WNT7B: variants seen among roughly 807,000 people sequenced by gnomAD.
The protein encoded by WNT7B is protein Wnt-7b.
In WNT7B, 19 loss-of-function variants were observed where a neutral mutation model predicts 38.2. The ratio of observed to expected loss-of-function variants is 0.50; its 90% CI spans 0.35 to 0.73. The LOEUF is 0.73. Among genes scored for constraint, WNT7B ranks in the 30% least tolerant of loss-of-function variants. The pLI is 0.01. For synonymous variants in WNT7B, 243 were observed against 209.3 expected, an observed-to-expected ratio of 1.16 and a Z score of -1.39; for missense variants, 423 against 507.9, an observed-to-expected ratio of 0.83 and a Z score of 1.61.
chr22:45,948,275 G>A (rs1346564707), intron 2 of WNT7B, among the ~76,000 whole-genome samples: 1 of 152,212 alleles, frequency 6.6e-6, no homozygotes, highest in African/African-American at 2.4e-5. Flanking sequence ...TCCCCACTGG[G>A]GTGGATGGGC....
intron 2 of WNT7B, among the ~76,000 whole-genome samples, chr22:45,946,236 C>T (rs976147865): frequency 6.6e-6 from 1 of 152,212 alleles, no homozygotes; most frequent in African/African-American, 2.4e-5. Flanking sequence ...GTCATTCCTG[C>T]AAAAGTGCTC....
intron 1 of WNT7B, among the ~76,000 whole-genome samples, chr22:45,950,359 G>A (rs117216379): frequency 4.6e-5 from 7 of 152,306 alleles, no homozygotes; most frequent in South Asian, 2.1e-4. Flanking sequence ...CAACTCACAC[G>A]CGTGACCCCA....
intron 1 of WNT7B, among the ~76,000 whole-genome samples, chr22:45,971,704 C>A (rs570283989): frequency 7.2e-5 from 11 of 152,256 alleles, no homozygotes; most frequent in Admixed American, 3.9e-4. Flanking sequence ...ACGTGCATGC[C>A]GGTGTTTGCA....
intron 3 of WNT7B, 38 bp downstream of exon 3, chr22:45,931,059 TC>T: frequency 6.5e-7 from 1 of 1,527,520 alleles, no homozygotes; most frequent in Non-Finnish European, 8.8e-7. Flanking sequence ...GATACAGCGG[TC>T]CCAGCTACGG....
intron 1 of WNT7B, among the ~76,000 whole-genome samples, chr22:45,953,738 A>G (rs191702125): frequency 1.2e-3 from 189 of 151,636 alleles, no homozygotes; most frequent in Middle Eastern, 3.4e-3. Flanking sequence ...AAAAAAAAAA[A>G]AAGAAGAAGA....
At chr22:45,924,821 C>T (rs550496835) in intron 3 of WNT7B, among the ~76,000 whole-genome samples, 5 of 138,600 alleles carry the variant, frequency 3.6e-5, no homozygotes, top group African/African-American at 1.4e-4. Flanking sequence ...GGCCCAAAGG[C>T]TCATCAGGCG....
Position 45,976,330 on chromosome 22 carries a change from C to A in WNT7B, c.71+354G>T, listed in dbSNP as rs574986875. Among the ~76,000 whole-genome samples, 1 of 150,194 alleles carries A rather than the reference C, an allele frequency of 6.7e-6. No homozygotes were observed. Among genetic ancestry groups the A allele is most frequent in the South Asian group, 2.1e-4 (1 of 4,826 alleles). On this transcript the variant is annotated intron_variant, in intron 1 of 3. Transcript: ENST00000339464. This position sits in a 1 kb window ranked among gnomAD's most constrained non-coding sequence, Gnocchi z 8.5. ...AGGCGGCGAGCGCTCGGCCCGGGCT[C>A]GGCGCCCAGCGCAGCCCGGGGGAGG...
At chr22:45,925,162 G>C (rs1200676551) in intron 3 of WNT7B, 2 of 972,936 alleles carry the variant, frequency 2.1e-6, no homozygotes, top group Non-Finnish European at 2.4e-6. Flanking sequence ...GGGCCCAAAG[G>C]CTCATCAGGT....
Position 45,931,942 on chromosome 22 carries a change from A to C in WNT7B, c.299-573T>G, listed in dbSNP as rs142183004. On this transcript the variant is annotated intron_variant, in intron 2 of 3. Coordinates refer to ENST00000339464, the MANE Select transcript of WNT7B (RefSeq NM_058238.3). ...CCCAGGCAGAAGTCACACAGCTCAG[A>C]AGCTCTTTGTTGCCATCTCCCTCTT... Among the ~76,000 whole-genome samples, 301 of 152,224 alleles carry C rather than the reference A, an allele frequency of 2.0e-3. 3 individuals are homozygous for C. The highest frequency in any genetic ancestry group is 6.9e-3 in the African/African-American group (287 of 41,544).
chr22:45,936,655 G>A (rs1209412316), intron 2 of WNT7B, among the ~76,000 whole-genome samples: 3 of 152,226 alleles, frequency 2.0e-5, no homozygotes, highest in Non-Finnish European at 4.4e-5. Context: ...GGGAGGAGAC[G>A]CAGCCCCCTG....
chr22:45,950,109 T>C lies in WNT7B; in HGVS notation c.109A>G (p.Ile37Val). ...SSVVALGANI[I>V]CNKIPGLAPR... Reference sequence around the variant, plus strand: ...GCTAGGCCAGGAATCTTGTTGCAGATGATGTTGGCTCCCAGGGCCACCACG... The same window carrying C: ...GCTAGGCCAGGAATCTTGTTGCAGACGATGTTGGCTCCCAGGGCCACCACG... The change falls in exon 2 of 4, where the codon ATC becomes GTC. Residue 37 changes from isoleucine to valine, a missense_variant. By Grantham distance (29) the Ile-to-Val change is conservative. Transcript: ENST00000339464. 6.2e-7 allele frequency: 1 copy of C among 1,614,022 alleles called. No individual in the cohort carries two copies. The highest frequency in any genetic ancestry group is 8.5e-7 in the Non-Finnish European group (1 of 1,180,036).
intron 1 of WNT7B, among the ~76,000 whole-genome samples, chr22:45,962,046 G>A (rs750383145): frequency 5.3e-5 from 8 of 152,112 alleles, no homozygotes; most frequent in Non-Finnish European, 1.2e-4. Flanking sequence ...TTGCTCCCTC[G>A]CGCCCCCGGC....
Position 45,920,687 on chromosome 22 carries a change from G to GGGGAT in WNT7B, c.*2164_*2168dup, listed in dbSNP as rs915515499. The GGGGAT allele has an allele frequency of 2.6e-5, 3 of 116,920 alleles. No individual in the cohort carries two copies. The highest frequency in any genetic ancestry group is 5.3e-5 in the Non-Finnish European group (3 of 56,856). The allele number at this position is 116,920 out of a possible 1,614,324, so 7.2% of individuals were successfully genotyped here. ...GGGAATAGGGATGAGGGATGGGATG[G>GGGGAT]GGGATGGGGTCAGGGATGGGATGGG... is the stretch of plus-strand genomic sequence containing the variant. On this transcript the variant is annotated 3_prime_UTR_variant, in exon 4 of 4. Transcript: ENST00000339464.
chr22:45,922,849 C>T lies in WNT7B; in HGVS notation c.*7G>A, dbSNP rs1202556712. On this transcript the variant is annotated 3_prime_UTR_variant, in exon 4 of 4. Transcript: ENST00000339464. ...CAGGGTGCCCGCGGCCGCCTCCGGGCCTGGCCTCACTTGCAGGTGAAGACC... is the reference window on the plus strand; with the variant it reads ...CAGGGTGCCCGCGGCCGCCTCCGGGTCTGGCCTCACTTGCAGGTGAAGACC... 6.3e-7 allele frequency: 1 copy of T among 1,590,062 alleles called. No individual in the cohort carries two copies. Among genetic ancestry groups the T allele is most frequent in the South Asian group, 1.1e-5 (1 of 89,396 alleles).
Position 45,955,600 on chromosome 22 carries a change from G to A in WNT7B, c.72-5454C>T, listed in dbSNP as rs1041731806. 2.6e-5 allele frequency among the ~76,000 whole-genome samples: 4 copies of A among 152,264 alleles called. No individual in the cohort carries two copies. The South Asian group carries it at 6.2e-4, about 24-fold the overall frequency. On this transcript the variant is annotated intron_variant, in intron 1 of 3. Coordinates refer to ENST00000339464, the MANE Select transcript of WNT7B (RefSeq NM_058238.3). The stretch of plus-strand genomic sequence containing the variant: ...CTGTGAGTGCAGAGATGCTGGGAGC[G>A]GGGGCATTCATGTTTCAGTCGCTGA...
rs940535439 is a variant in WNT7B, at chr22:45,952,303, G to A, written c.72-2157C>T. On this transcript the variant is annotated intron_variant, in intron 1 of 3. Coordinates refer to ENST00000339464, the MANE Select transcript of WNT7B (RefSeq NM_058238.3). Reference sequence around the variant, plus strand: ...GCTGGAAAGTCCCCGTGCGGCCTGAGCCCACAGCACGTGCTGCAGCCGGGC... The same window carrying A: ...GCTGGAAAGTCCCCGTGCGGCCTGAACCCACAGCACGTGCTGCAGCCGGGC... Among the ~76,000 whole-genome samples the A allele has an allele frequency of 2.0e-5, 3 of 152,210 alleles. No individual in the cohort carries two copies. The East Asian group carries it at 5.8e-4, about 29-fold the overall frequency.
intron 3 of WNT7B, among the ~76,000 whole-genome samples, chr22:45,930,257 G>A (rs1931295256): frequency 1.3e-5 from 2 of 152,240 alleles, no homozygotes. Flanking sequence ...AAAGGGCAGT[G>A]AGTGACCAGT....
At chr22:45,942,279 G>T (rs558712806) in intron 2 of WNT7B, among the ~76,000 whole-genome samples, 4 of 152,340 alleles carry the variant, frequency 2.6e-5, no homozygotes, top group African/African-American at 9.6e-5. Flanking sequence ...ACAGAAGCTG[G>T]AAGAGAAGCT....
chr22:45,935,469 C>T (rs780191879), intron 2 of WNT7B, among the ~76,000 whole-genome samples: 1 of 152,206 alleles, frequency 6.6e-6, no homozygotes, highest in African/African-American at 2.4e-5. Flanking sequence ...TGGGGGACAG[C>T]AGCCCCCTCC....
Sources: allele counts gnomAD v4.1 joint callset (sites outside exome capture counted in the v4.1 genomes callset), GRCh38; gene constraint gnomAD v4.1.1; non-coding constraint Gnocchi (gnomAD v3.1); transcripts MANE v1.5; gene names NCBI Gene and HGNC (gene_info 2026-07-23, HGNC 2026-07-21).